Variants in MYOCOS observed in about 807,000 individuals in gnomAD.
MYOCOS encodes the protein myocilin opposite strand, also known as myocilin opposite strand protein.
chr1:171,604,812 T>TA (rs1216940739), intron 1 of MYOCOS, among the ~76,000 whole-genome samples: 2 of 152,080 alleles, frequency 1.3e-5, no homozygotes, highest in East Asian at 1.9e-4. Context: ...AAAAAGAAGA[T>TA]AAAAAAGATC....
intron 1 of MYOCOS, among the ~76,000 whole-genome samples, chr1:171,611,301 A>G (rs980362971): frequency 2.6e-5 from 4 of 152,160 alleles, no homozygotes; most frequent in African/African-American, 9.7e-5. Flanking sequence ...AGTGAATAAT[A>G]TGGGGGTCTG....
At chr1:171,604,582 G>A (rs1652208932) in intron 1 of MYOCOS, among the ~76,000 whole-genome samples, 1 of 152,138 alleles carries the variant, frequency 6.6e-6, no homozygotes, top group African/African-American at 2.4e-5. Flanking sequence ...TTCTGTAAGT[G>A]ACACAAGTAA....
chr1:171,611,508 A>G (rs1540329), intron 1 of MYOCOS, among the ~76,000 whole-genome samples: 22,215 of 152,186 alleles, frequency 0.15, 2,201 homozygotes, highest in East Asian at 0.42. Flanking sequence ...TTCATTGCAG[A>G]TGAACTTACA....
intron 2 of MYOCOS, among the ~76,000 whole-genome samples, chr1:171,616,490 G>A (rs1049676450): frequency 3.4e-5 from 5 of 149,226 alleles, no homozygotes; most frequent in Non-Finnish European, 6.0e-5. Flanking sequence ...GTAGTGAGCC[G>A]AGACCATGCC....
In MYOCOS at chr1:171,626,524, C is replaced by T. The variant is rs1333402346; in HGVS notation, c.166C>T (p.Pro56Ser). ...CTCCCACTTGGATTTGGAGCAAGCC[C>T]CTCCCCCTCACAGGACCTACCTCAC... ...MLSHLDLEQA[P>S]PPHRTYLTVP... The change falls in exon 3 of 3, where the codon CCT (proline) becomes TCT (serine). Residue 56 changes from proline to serine, a missense_variant. Pro to Ser is a moderately conservative substitution (Grantham distance 74). Coordinates refer to ENST00000637642, the MANE Select transcript of MYOCOS (RefSeq NM_001391940.1). 6 of 398,500 alleles carry T rather than the reference C, an allele frequency of 1.5e-5. No individual in the cohort carries two copies. The highest frequency in any genetic ancestry group is 2.2e-5 in the Non-Finnish European group (5 of 226,076). 24.7% of individuals were successfully genotyped at this position (398,500 alleles called of 1,614,324 possible).
At chr1:171,618,765 G>A (rs750059178), upstream of MYOCOS, among the ~76,000 whole-genome samples, 32 of 152,054 alleles carry the variant, frequency 2.1e-4, no homozygotes, top group Non-Finnish European at 4.4e-4. Flanking sequence ...TAGTAGAGAC[G>A]GGGTTTCACC....
chr1:171,618,842 C>T (rs374769356), upstream of MYOCOS, among the ~76,000 whole-genome samples: 7 of 152,202 alleles, frequency 4.6e-5, no homozygotes, highest in African/African-American at 1.2e-4. Flanking sequence ...TCTCAAAGTT[C>T]GGAGATTACA....
At chr1:171,624,294 G>A (rs1480360295) in intron 2 of MYOCOS, among the ~76,000 whole-genome samples, 5 of 152,060 alleles carry the variant, frequency 3.3e-5, no homozygotes, top group African/African-American at 7.2e-5. Context: ...ACAGGGTCTC[G>A]CTCTGTCACC....
chr1:171,624,799 G>A (rs749874605), intron 2 of MYOCOS, among the ~76,000 whole-genome samples: 28 of 152,058 alleles, frequency 1.8e-4, no homozygotes, highest in Non-Finnish European at 1.0e-4. Context: ...GCCCAGGCTG[G>A]TCTCAAACTC....
intron 1 of MYOCOS, among the ~76,000 whole-genome samples, chr1:171,602,122 A>G (rs1292946308): frequency 6.6e-6 from 1 of 152,166 alleles, no homozygotes; most frequent in Non-Finnish European, 1.5e-5. Flanking sequence ...AAAGAGTGTT[A>G]TATGGTAAAT....
chr1:171,621,527 C>T (rs955601202), upstream of MYOCOS, among the ~76,000 whole-genome samples: 4 of 151,994 alleles, frequency 2.6e-5, no homozygotes, highest in Non-Finnish European at 4.4e-5. Context: ...AGGCACCCGC[C>T]ACCACGCCTG....
At chr1:171,619,015 T>C (rs1652504346), upstream of MYOCOS, among the ~76,000 whole-genome samples, 1 of 152,230 alleles carries the variant, frequency 6.6e-6, no homozygotes, top group Non-Finnish European at 1.5e-5. Context: ...GAGCTTTTGG[T>C]GCCCCCAATT....
In MYOCOS at chr1:171,605,393, AC is replaced by A. The variant is rs1364708550; in HGVS notation, c.-252+4314del. Among the ~76,000 whole-genome samples the A allele has an allele frequency of 2.4e-3, 293 of 123,486 alleles. 2 individuals carry two copies. Among genetic ancestry groups the A allele is most frequent in the Admixed American group, 3.3e-3 (45 of 13,636 alleles). The allele number at this position is 123,486 out of a possible 152,430, so 81.0% of individuals were successfully genotyped here. ...TAGTACCACACACACACACACACAC[AC>A]AAAAAAAAAAAAACAGTTACATGAT... On this transcript the variant is annotated intron_variant, in intron 1 of 3. Transcript: ENST00000636697.
chr1:171,604,945 G>A (rs995278306), intron 1 of MYOCOS, among the ~76,000 whole-genome samples: 2 of 152,164 alleles, frequency 1.3e-5, no homozygotes, highest in South Asian at 2.1e-4. Flanking sequence ...CGTATCATTA[G>A]GCATTGATGA....
intron 1 of MYOCOS, among the ~76,000 whole-genome samples, chr1:171,622,759 A>G (rs750741316): frequency 1.3e-5 from 2 of 152,138 alleles, no homozygotes; most frequent in Admixed American, 6.5e-5. Flanking sequence ...TTCTTGGGAG[A>G]TGACTTGGCT....
intron 1 of MYOCOS, among the ~76,000 whole-genome samples, chr1:171,609,321 G>C (rs1652312339): frequency 6.6e-6 from 1 of 152,222 alleles, no homozygotes; most frequent in Non-Finnish European, 1.5e-5. Context: ...CTTGAGACTA[G>C]AGTCAAGTAT....
chr1:171,601,736 C>A (rs1017400122), intron 1 of MYOCOS, among the ~76,000 whole-genome samples: 3 of 152,110 alleles, frequency 2.0e-5, no homozygotes, highest in African/African-American at 7.2e-5. Context: ...AATTTCCGTA[C>A]ATAGACAGTT....
At chr1:171,603,319 C>G (rs886827122) in intron 1 of MYOCOS, among the ~76,000 whole-genome samples, 1 of 152,246 alleles carries the variant, frequency 6.6e-6, no homozygotes, top group Non-Finnish European at 1.5e-5. Context: ...ACTGGGCACT[C>G]TGCCGCATAA....
At chr1:171,614,675 C>T (rs549426718) in intron 1 of MYOCOS, 1 of 152,248 alleles carries the variant, frequency 6.6e-6, no homozygotes, top group Non-Finnish European at 1.5e-5. Context: ...ACAACTGCCT[C>T]AGCTGGAAAG....
Sources: allele counts gnomAD v4.1 joint callset (sites outside exome capture counted in the v4.1 genomes callset), GRCh38; gene constraint gnomAD v4.1.1; transcripts MANE v1.5; gene names NCBI Gene and HGNC (gene_info 2026-07-23, HGNC 2026-07-21).